Variants in SPAG16 observed in about 807,000 individuals in gnomAD.
SPAG16 encodes sperm-associated antigen 16 protein.
In SPAG16, 86 loss-of-function variants were observed where a neutral mutation model predicts 80.4. The ratio of observed to expected loss-of-function variants is 1.07; its 90% confidence interval spans 0.90 to 1.28. The LOEUF is 1.28. Among genes scored for constraint, SPAG16 ranks in the 50% most tolerant of loss-of-function variants. The pLI, the probability that SPAG16 is intolerant of heterozygous loss-of-function variation, is 0.00. For missense variants in SPAG16, 870 were observed against 765.3 expected (o/e 1.14, Z -1.61); for synonymous variants, 294 against 265.9 (o/e 1.11, Z -1.03).
chr2:213,898,614 A>G (rs945187324), intron 11 of SPAG16, among the ~76,000 whole-genome samples: 3 of 152,158 alleles, frequency 2.0e-5, no homozygotes, highest in African/African-American at 7.2e-5. Context: ...CAGAAAATTC[A>G]CGGACTTGGT....
At position 214,403,252 on chromosome 2, in the gene SPAG16, C is replaced by T. The variant is rs571155006; in HGVS notation, c.1721-6888C>T. ...ATAAAAATATGTGATATGTGATATACTATGATAATAGTATGTTGATAATTT... is the reference window on the plus strand; with the variant it reads ...ATAAAAATATGTGATATGTGATATATTATGATAATAGTATGTTGATAATTT... On this transcript the variant is annotated intron_variant, in intron 15 of 15. Transcript: ENST00000331683. Among the ~76,000 whole-genome samples, 7 of 150,954 alleles carry T rather than the reference C, an allele frequency of 4.6e-5. No homozygotes were observed. In the South Asian group the frequency reaches 1.2e-3, roughly 27 times the overall value.
chr2:214,032,675 T>C (rs936278896), intron 13 of SPAG16, among the ~76,000 whole-genome samples: 1 of 152,162 alleles, frequency 6.6e-6, no homozygotes, highest in Non-Finnish European at 1.5e-5. Flanking sequence ...TGTAAGGCCT[T>C]GGTAAAGATC....
intron 11 of SPAG16, among the ~76,000 whole-genome samples, chr2:213,924,566 T>C (rs2078377171): frequency 6.6e-6 from 1 of 152,230 alleles, no homozygotes; most frequent in South Asian, 2.1e-4. Flanking sequence ...TACAAGCTGC[T>C]TCTCGTCTGC....
At chr2:213,642,351 C>T (rs2062624210) in intron 10 of SPAG16, among the ~76,000 whole-genome samples, 1 of 152,266 alleles carries the variant, frequency 6.6e-6, no homozygotes, top group South Asian at 2.1e-4. Context: ...AGTCTTGTCT[C>T]CTATCGGCAA....
chr2:213,943,286 T>C (rs765992018), intron 12 of SPAG16, among the ~76,000 whole-genome samples: 1 of 152,132 alleles, frequency 6.6e-6, no homozygotes, highest in Non-Finnish European at 1.5e-5. Context: ...TGGAAAGATT[T>C]TGAGGTGCAT....
intron 13 of SPAG16, among the ~76,000 whole-genome samples, chr2:214,068,995 G>A (rs936455850): frequency 6.6e-6 from 1 of 151,984 alleles, no homozygotes; most frequent in African/African-American, 2.4e-5. Flanking sequence ...ATGCCACTTA[G>A]GACAAAAGAA....
chr2:214,291,263 G>T (rs1559186908), intron 15 of SPAG16, among the ~76,000 whole-genome samples: 1 of 144,796 alleles, frequency 6.9e-6, no homozygotes, highest in Non-Finnish European at 1.5e-5. Context: ...TAGGTAAAGG[G>T]TGTTTCTTGT....
intron 9 of SPAG16, among the ~76,000 whole-genome samples, chr2:213,414,740 A>G (rs1431294044): frequency 6.6e-6 from 1 of 152,248 alleles, no homozygotes; most frequent in Non-Finnish European, 1.5e-5. Context: ...AATTTAATGT[A>G]AAATAAGTAA....
At chr2:214,077,941 C>T (rs1394809716) in intron 13 of SPAG16, among the ~76,000 whole-genome samples, 1 of 152,212 alleles carries the variant, frequency 6.6e-6, no homozygotes, top group South Asian at 2.1e-4. Flanking sequence ...CCCTGCCTCA[C>T]TTCTCTTTCT....
At chr2:214,286,766 A>C (rs1346429883) in intron 15 of SPAG16, among the ~76,000 whole-genome samples, 1 of 152,142 alleles carries the variant, frequency 6.6e-6, no homozygotes, top group East Asian at 1.9e-4. Flanking sequence ...CAAATAAATA[A>C]ATAAAATAAA....
intron 12 of SPAG16, among the ~76,000 whole-genome samples, chr2:214,010,536 C>G (rs1207724620): frequency 1.4e-5 from 2 of 146,472 alleles, no homozygotes. Flanking sequence ...GTGTAAACAG[C>G]AAACGAACCC....
intron 13 of SPAG16, 69 bp from the exon 14 acceptor site, chr2:214,108,127 G>C: frequency 2.5e-6 from 3 of 1,213,668 alleles, no homozygotes; most frequent in Non-Finnish European, 2.4e-6. Flanking sequence ...AAACTTAAAA[G>C]CATCTTTGAA....
intron 9 of SPAG16, among the ~76,000 whole-genome samples, chr2:213,416,162 G>A (rs1226474592): frequency 6.6e-6 from 1 of 152,156 alleles, no homozygotes; most frequent in Admixed American, 6.5e-5. Flanking sequence ...GGCTGAATGG[G>A]GGCTGGGAAA....
chr2:213,949,325 C>T (rs184060549), intron 12 of SPAG16, among the ~76,000 whole-genome samples: 5 of 151,614 alleles, frequency 3.3e-5, no homozygotes, highest in East Asian at 1.9e-4. Context: ...TGTGCCACCA[C>T]GCCCAGCTAA....
At chr2:213,751,745 G>A (rs2068086425) in intron 10 of SPAG16, among the ~76,000 whole-genome samples, 3 of 152,198 alleles carry the variant, frequency 2.0e-5, no homozygotes, top group Non-Finnish European at 4.4e-5. Flanking sequence ...ATAAACAAGG[G>A]TATCTGCTGT....
chr2:214,029,149 A>C (rs925680401), intron 13 of SPAG16, among the ~76,000 whole-genome samples: 13 of 152,038 alleles, frequency 8.6e-5, no homozygotes, highest in Non-Finnish European at 4.4e-5. Context: ...AGGTCTAAAT[A>C]AGGTTTGGTG....
chr2:213,911,835 CAAAAAA>C (rs10644766), intron 11 of SPAG16, among the ~76,000 whole-genome samples: 23 of 126,146 alleles, frequency 1.8e-4, no homozygotes, highest in Admixed American at 2.4e-4. Flanking sequence ...AAACAGTTAG[CAAAAAA>C]AAAAAAAAAA....
chr2:213,500,574 G>T (rs1257015798), intron 10 of SPAG16, among the ~76,000 whole-genome samples: 2 of 152,046 alleles, frequency 1.3e-5, no homozygotes, highest in African/African-American at 2.4e-5. Flanking sequence ...AATGGTAAGT[G>T]AGAGAGAGAG....
chr2:213,897,767 T>G (rs1237552264), intron 11 of SPAG16, among the ~76,000 whole-genome samples: 1 of 152,178 alleles, frequency 6.6e-6, no homozygotes, highest in Non-Finnish European at 1.5e-5. Context: ...CCATAGCCAG[T>G]AATTTAGTCC....
Sources: allele counts gnomAD v4.1 joint callset (sites outside exome capture counted in the v4.1 genomes callset), GRCh38; gene constraint gnomAD v4.1.1; transcripts MANE v1.5; gene names NCBI Gene and HGNC (gene_info 2026-07-23, HGNC 2026-07-21).